Variants in ZNF184 observed in about 807,000 individuals in gnomAD.
The protein encoded by ZNF184 is zinc finger protein 184 (Kruppel-like).
ZNF184 carries 16 observed loss-of-function variants against 54.4 expected under a neutral mutation model. That is an observed-to-expected ratio of 0.29 (90% CI 0.20 to 0.45). The LOEUF is 0.45. ZNF184 is among the 20% of genes least tolerant of loss of function. The probability of loss-of-function intolerance (pLI) is 1.00; values close to 1 mark genes in which losing one functional copy is unlikely to be tolerated. For synonymous variants in ZNF184, 254 were observed against 295.3 expected (o/e 0.86, Z 1.43); for missense variants, 681 against 888.2 (o/e 0.77, Z 2.97).
chr6:27,466,188 A>G (rs1763133612), intron 3 of ZNF184, among the ~76,000 whole-genome samples: 1 of 151,998 alleles, frequency 6.6e-6, no homozygotes, highest in East Asian at 1.9e-4. Flanking sequence ...TGAAGATGCC[A>G]CAGTACTAGC....
At chr6:27,443,505 G>C in the ZNF184 span, among the ~76,000 whole-genome samples, 2 of 152,116 alleles carry the variant, frequency 1.3e-5, no homozygotes, top group Non-Finnish European at 2.9e-5. Flanking sequence ...CAATATCTCA[G>C]GCTCTCAGGC....
At chr6:27,460,277 C>A (rs1470480066) in intron 3 of ZNF184, among the ~76,000 whole-genome samples, 1 of 152,178 alleles carries the variant, frequency 6.6e-6, no homozygotes, top group Non-Finnish European at 1.5e-5. Context: ...AGGCAACTTC[C>A]TGCTTTTTTT....
At chr6:27,420,259 A>G in the ZNF184 span, among the ~76,000 whole-genome samples, 2 of 152,176 alleles carry the variant, frequency 1.3e-5, no homozygotes, top group Non-Finnish European at 2.9e-5. Context: ...AACCACTACT[A>G]AATACTTCCT....
chr6:27,449,483 G>T (rs534065865), downstream of ZNF184, among the ~76,000 whole-genome samples: 3 of 152,296 alleles, frequency 2.0e-5, no homozygotes, highest in East Asian at 3.9e-4. Flanking sequence ...GCCAAGGGTG[G>T]TGACTACACC....
rs113950530 is a variant in ZNF184, at chr6:27,466,763, C to G, written c.75+1090G>C. Among the ~76,000 whole-genome samples, 17 of 151,852 alleles carry G rather than the reference C, an allele frequency of 1.1e-4. No individual in the cohort carries two copies. The South Asian group carries it at 3.1e-3, about 28-fold the overall frequency. ...GTTAAGAAAATTCAGTTATGGAACACGAATTAAGCAGGGGGGAAATTTTAA... is the reference window on the plus strand; with the variant it reads ...GTTAAGAAAATTCAGTTATGGAACAGGAATTAAGCAGGGGGGAAATTTTAA... On this transcript the variant is annotated intron_variant, in intron 3 of 5. Coordinates refer to ENST00000683788, the MANE Select transcript of ZNF184 (RefSeq NM_001318891.2).
chr6:27,430,238 C>T, the ZNF184 span, among the ~76,000 whole-genome samples: 3 of 152,060 alleles, frequency 2.0e-5, no homozygotes, highest in African/African-American at 7.3e-5. Flanking sequence ...GCCTTTAACT[C>T]AAAATAGTCA....
chr6:27,437,469 T>C, the ZNF184 span, among the ~76,000 whole-genome samples: 972 of 152,282 alleles, frequency 6.4e-3, 12 homozygotes, highest in African/African-American at 0.021. Flanking sequence ...CTGAATAAGC[T>C]TGGAAGCAGA....
the ZNF184 span, chr6:27,406,675 C>A: frequency 1.3e-5 from 2 of 152,382 alleles, no homozygotes; most frequent in South Asian, 4.1e-4. Flanking sequence ...AGAGTGCCAA[C>A]ATTACTTGCT....
the ZNF184 span, among the ~76,000 whole-genome samples, chr6:27,425,324 G>A: frequency 6.6e-6 from 1 of 152,278 alleles, no homozygotes; most frequent in African/African-American, 2.4e-5. Context: ...CAAAGTGGGA[G>A]CCCAGGCAGA....
chr6:27,439,297 G>A, the ZNF184 span, among the ~76,000 whole-genome samples: 1 of 152,128 alleles, frequency 6.6e-6, no homozygotes, highest in African/African-American at 2.4e-5. Context: ...ACTACTGTTC[G>A]AAAATATTAA....
chr6:27,441,800 A>G, the ZNF184 span, among the ~76,000 whole-genome samples: 6 of 152,228 alleles, frequency 3.9e-5, no homozygotes, highest in African/African-American at 1.4e-4. Flanking sequence ...CTCACTTGAA[A>G]CTGATGTATA....
the ZNF184 span, among the ~76,000 whole-genome samples, chr6:27,410,361 A>G: frequency 6.6e-6 from 1 of 152,234 alleles, no homozygotes; most frequent in Non-Finnish European, 1.5e-5. Flanking sequence ...GAACTGTGTA[A>G]GGAAAGTCAG....
At chr6:27,460,274 T>G (rs1394836217) in intron 3 of ZNF184, among the ~76,000 whole-genome samples, 1 of 152,206 alleles carries the variant, frequency 6.6e-6, no homozygotes, top group Non-Finnish European at 1.5e-5. Context: ...TGCAGGCAAC[T>G]TCCTGCTTTT....
At chr6:27,467,830 C>T in intron 3 of ZNF184, 23 bp downstream of exon 3, 3 of 1,585,778 alleles carry the variant, frequency 1.9e-6, no homozygotes, top group Non-Finnish European at 2.6e-6. Flanking sequence ...AATAAAATGG[C>T]ATTTCAAGAA....
chr6:27,408,121 A>G, the ZNF184 span: 2 of 686,190 alleles, frequency 2.9e-6, no homozygotes, highest in South Asian at 3.2e-5. Context: ...AACCTGTAGC[A>G]GTTTGTTACA....
At chr6:27,448,800 A>C (rs556547141), downstream of ZNF184, among the ~76,000 whole-genome samples, 7 of 151,988 alleles carry the variant, frequency 4.6e-5, no homozygotes, top group African/African-American at 9.7e-5. Flanking sequence ...ATGTGAACCC[A>C]AGAAAGGCAT....
At chr6:27,409,534 GAACA>G in the ZNF184 span, among the ~76,000 whole-genome samples, 1 of 141,474 alleles carries the variant, frequency 7.1e-6, no homozygotes, top group African/African-American at 2.6e-5. Context: ...CAAAACAAAC[GAACA>G]AACAAAAAAT....
the ZNF184 span, among the ~76,000 whole-genome samples, chr6:27,412,138 G>A: frequency 1.3e-5 from 2 of 152,152 alleles, no homozygotes; most frequent in East Asian, 1.9e-4. Context: ...TGGGTGGGGC[G>A]GTATTTAAAA....
downstream of ZNF184, among the ~76,000 whole-genome samples, chr6:27,449,746 G>C (rs1458777737): frequency 1.3e-5 from 2 of 151,460 alleles, no homozygotes; most frequent in Non-Finnish European, 2.9e-5. Flanking sequence ...GCAAGACCCT[G>C]TCTCTTAAAT....
Sources: allele counts gnomAD v4.1 joint callset (sites outside exome capture counted in the v4.1 genomes callset), GRCh38; gene constraint gnomAD v4.1.1; transcripts MANE v1.5; gene names NCBI Gene and HGNC (gene_info 2026-07-23, HGNC 2026-07-21).